The following PRKAG3 variants were observed in gnomAD, a reference collection of about 807,000 sequenced individuals.
PRKAG3 encodes the protein protein kinase AMP-activated non-catalytic subunit gamma 3.
PRKAG3 carries 39 observed loss-of-function variants against 56.5 expected under a neutral mutation model. The observed-to-expected ratio is 0.69, with a 90% CI of 0.53 to 0.90. PRKAG3 has a LOEUF of 0.90. Ranked by LOEUF, PRKAG3 falls within the 40% of genes least tolerant of loss-of-function variation. The pLI is 0.00. For synonymous variants in PRKAG3, 243 were observed against 250.1 expected (o/e 0.97, Z 0.27); for missense variants, 628 against 627.5 (o/e 1.00, Z -0.01).
chr2:218,830,261 A>C (rs1007144790), exon 4 of PRKAG3: 88 of 1,613,774 alleles, frequency 5.5e-5, no homozygotes, highest in Non-Finnish European at 7.4e-5. Flanking sequence ...GTCAGAGGGG[A>C]GGCAGTCCCA....
chr2:218,824,873 A>G (rs1943908452), intron 10 of PRKAG3, among the ~76,000 whole-genome samples: 1 of 152,202 alleles, frequency 6.6e-6, no homozygotes. Context: ...TAGAGAACAA[A>G]GTAAAGGCCA....
In PRKAG3 at chr2:218,828,608, G is replaced by T. The variant is rs1485158165; in HGVS notation, c.634-8C>A. 5.6e-6 allele frequency: 9 copies of T among 1,611,700 alleles called. No homozygotes were observed. The South Asian group carries it at 6.6e-5, about 12-fold the overall frequency. On this transcript the variant is annotated splice_polypyrimidine_tract_variant and splice_region_variant and intron_variant, in intron 4 of 12. Coordinates refer to ENST00000529249, the Ensembl canonical transcript of PRKAG3. ...AAAGAAGGCCTTCTTGATCTGAGGG[G>T]CCAGGGAGAACAGTCAAGGGTGGGT...
At chr2:218,830,486 T>C in intron 3 of PRKAG3, 105 bp from the exon 4 acceptor site, 1 of 1,428,356 alleles carries the variant, frequency 7.0e-7, no homozygotes, top group Non-Finnish European at 9.5e-7. Flanking sequence ...GCCTGGATGC[T>C]GTGGCCCTAT....
intron 10 of PRKAG3, chr2:218,826,666 C>T (rs971064341): frequency 2.0e-6 from 1 of 488,888 alleles, no homozygotes; most frequent in African/African-American, 1.9e-5. Flanking sequence ...TGCCCATTTT[C>T]ATGCACATAA....
chr2:218,830,070 C>T (rs570196271), exon 4 of PRKAG3: 10 of 1,612,890 alleles, frequency 6.2e-6, no homozygotes, highest in Admixed American at 5.0e-5. Context: ...TAGATCTGGG[C>T]GCCGGGTTTC....
chr2:218,830,247 T>C (rs745651802), exon 4 of PRKAG3: 2 of 1,613,964 alleles, frequency 1.2e-6, no homozygotes, highest in Admixed American at 3.3e-5. Flanking sequence ...GCTGAGGCTG[T>C]ACAGTCAGAG....
chr2:218,827,688 C>T lies in PRKAG3; in HGVS notation c.821-59G>A. 2 of 1,591,388 alleles carry T rather than the reference C, an allele frequency of 1.3e-6. No homozygotes were observed. The highest frequency in any genetic ancestry group is 2.2e-5 in the East Asian group (1 of 44,734). On this transcript the variant is annotated intron_variant, in intron 7 of 12. Coordinates refer to ENST00000529249, the Ensembl canonical transcript of PRKAG3. The surrounding 1 kb of genome is among the most constrained non-coding windows in gnomAD (Gnocchi z 5.3). ...CGGTCACCTGCCTCACCTTGCAGTC[C>T]CAGGCAGCTTCCCTTCCGTCAGGCA...
At chr2:218,830,179 G>A (rs769179848) in exon 4 of PRKAG3, 6 of 1,614,052 alleles carry the variant, frequency 3.7e-6, no homozygotes, top group Non-Finnish European at 5.1e-6. Flanking sequence ...CACACTCCCA[G>A]GCCTCTGTGG....
chr2:218,828,122 G>A (rs1559398191), intron 5 of PRKAG3, 60 bp from the exon 6 acceptor site: 1 of 1,442,448 alleles, frequency 6.9e-7, no homozygotes, highest in Non-Finnish European at 9.5e-7. Context: ...GCAGGTTGAG[G>A]GTCAGATCCC....
At chr2:218,831,184 C>A (rs1372639506) in intron 2 of PRKAG3, 152 bp downstream of exon 2, 3 of 716,282 alleles carry the variant, frequency 4.2e-6, no homozygotes, top group Admixed American at 2.9e-5. Flanking sequence ...GTGAGGGAAA[C>A]ACACCTGGGG....
At chr2:218,823,091 A>C (rs892614126), downstream of PRKAG3, 3 of 933,150 alleles carry the variant, frequency 3.2e-6, no homozygotes, top group Admixed American at 6.1e-5. Flanking sequence ...GGGGAAAAGA[A>C]AAGGGAAGAT....
chr2:218,831,392 T>C lies in PRKAG3; in HGVS notation c.34-17A>G. ...GGAAGGGGTCTGTGGGGAGAAGAGTTTCTGAAGGAGTGGGGAAAGTGCCTT... is the reference window on the plus strand; with the variant it reads ...GGAAGGGGTCTGTGGGGAGAAGAGTCTCTGAAGGAGTGGGGAAAGTGCCTT... On this transcript the variant is annotated splice_polypyrimidine_tract_variant and intron_variant, in intron 1 of 12. Transcript: ENST00000529249. The C allele has an allele frequency of 6.3e-7, 1 of 1,594,516 alleles. No individual in the cohort carries two copies. Among genetic ancestry groups the C allele is most frequent in the Non-Finnish European group, 8.5e-7 (1 of 1,170,466 alleles).
chr2:218,830,376 G>A (rs766224830), exon 4 of PRKAG3: 45 of 1,606,322 alleles, frequency 2.8e-5, no homozygotes, highest in South Asian at 2.8e-4. Flanking sequence ...GGCCTGGACC[G>A]GGGACCTGTT....
At chr2:218,831,485 A>G in intron 1 of PRKAG3, 110 bp from the exon 2 acceptor site, 1 of 1,089,932 alleles carries the variant, frequency 9.2e-7, no homozygotes, top group Non-Finnish European at 1.3e-6. Context: ...ACACGCTCAG[A>G]CACACGCCAT....
chr2:218,828,277 C>T (rs943712350), intron 5 of PRKAG3, among the ~76,000 whole-genome samples: 4 of 152,200 alleles, frequency 2.6e-5, no homozygotes, highest in South Asian at 2.1e-4. Context: ...GGCACAGGGC[C>T]ATGCAGTAGC....
At position 218,827,144 on chromosome 2, in the gene PRKAG3, G is replaced by A; in HGVS notation, c.1003-51C>T. 6.2e-7 allele frequency: 1 copy of A among 1,612,760 alleles called. No homozygotes were observed. The highest frequency in any genetic ancestry group is 8.5e-7 in the Non-Finnish European group (1 of 1,179,858). ...GATCAGGGATCCAGCAGCTTCAAGA[G>A]GGCTCCCAGCTCTTCCCCACGACTG... On this transcript the variant is annotated intron_variant, in intron 9 of 12. Transcript: ENST00000529249. This position sits in a 1 kb window ranked among gnomAD's most constrained non-coding sequence, Gnocchi z 5.3.
chr2:218,825,511 G>A (rs892675484), intron 10 of PRKAG3, among the ~76,000 whole-genome samples: 1 of 151,630 alleles, frequency 6.6e-6, no homozygotes, highest in African/African-American at 2.4e-5. Context: ...AGCTGGGCGT[G>A]GTGTCATTTG....
At position 218,827,390 on chromosome 2, in the gene PRKAG3, A is replaced by C. The variant is rs764784344; in HGVS notation, c.876-17T>G. 4 of 1,613,986 alleles carry C rather than the reference A, an allele frequency of 2.5e-6. No individual in the cohort carries two copies. In the African/African-American group the frequency reaches 5.3e-5, roughly 22 times the overall value. Reference sequence around the variant, plus strand: ...TCAAACAGGCTGCAGAGATGGGAGCAGTGAGCCTCGGGGCAGCCTAGGGAG... The same window carrying C: ...TCAAACAGGCTGCAGAGATGGGAGCCGTGAGCCTCGGGGCAGCCTAGGGAG... On this transcript the variant is annotated splice_polypyrimidine_tract_variant and intron_variant, in intron 8 of 12. Coordinates refer to ENST00000529249, the Ensembl canonical transcript of PRKAG3. The surrounding 1 kb of genome is among the most constrained non-coding windows in gnomAD (Gnocchi z 5.3).
intron 10 of PRKAG3, 139 bp downstream of exon 10, chr2:218,826,789 A>T: frequency 8.7e-7 from 1 of 1,143,880 alleles, no homozygotes; most frequent in Non-Finnish European, 1.3e-6. Context: ...GTCTCAGAGT[A>T]GACGGAGACT....
Sources: gnomAD v4.1 joint callset for allele counts (sites outside exome capture counted in the v4.1 genomes callset) on GRCh38, gnomAD v4.1.1 for gene constraint, Gnocchi (gnomAD v3.1) non-coding constraint, MANE v1.5 for transcripts, NCBI Gene and HGNC (gene_info 2026-07-23, HGNC 2026-07-21) for gene names.